The following CAMK1D variants were observed in gnomAD, a reference collection of about 807,000 sequenced individuals.
CAMK1D encodes the protein calcium/calmodulin dependent protein kinase ID, also known as calcium/calmodulin-dependent protein kinase type 1D.
A neutral mutation model predicts 47.7 loss-of-function variants in CAMK1D; 9 were observed. That is an observed-to-expected ratio of 0.19 (90% CI 0.11 to 0.33). The LOEUF (loss-of-function observed/expected upper bound fraction) is 0.33. Among genes scored for constraint, CAMK1D ranks in the 10% least tolerant of loss-of-function variants. The pLI is 1.00. For missense variants in CAMK1D, 291 were observed against 488.7 expected, an observed-to-expected ratio of 0.60 and a Z score of 3.81; for synonymous variants, 184 against 184.9, an observed-to-expected ratio of 0.99 and a Z score of 0.04.
intron 10 of CAMK1D, 96 bp from the exon 11 acceptor site, chr10:12,828,673 C>A (rs1833347264): frequency 1.1e-6 from 1 of 948,960 alleles, no homozygotes; most frequent in Admixed American, 2.3e-5. Flanking sequence ...CCCCCGCCCC[C>A]CACCATAAAC....
At chr10:12,593,154 T>C (rs986753076) in intron 2 of CAMK1D, among the ~76,000 whole-genome samples, 19 of 152,270 alleles carry the variant, frequency 1.2e-4, no homozygotes, top group African/African-American at 4.6e-4. Flanking sequence ...ATGTGTGGGC[T>C]GAGTTCCAGT....
intron 1 of CAMK1D, among the ~76,000 whole-genome samples, chr10:12,417,488 C>G (rs917475670): frequency 6.6e-6 from 1 of 152,208 alleles, no homozygotes; most frequent in African/African-American, 2.4e-5. Context: ...TAGGTGGCAT[C>G]CAGCCAGGGG....
chr10:12,829,040 T>A lies in CAMK1D; in HGVS notation c.*153T>A, dbSNP rs1833364210. ...GAAGTTTTTTTATGGCCATATTTTC[T>A]ACTGCAATTCTGAAGTGTTCATTTC... On this transcript the variant is annotated 3_prime_UTR_variant, in exon 11 of 11. Transcript: ENST00000619168. The A allele has an allele frequency of 1.7e-6, 1 of 583,368 alleles. No individual in the cohort carries two copies. Among genetic ancestry groups the A allele is most frequent in the Admixed American group, 3.2e-5 (1 of 30,886 alleles). 36.1% of individuals were successfully genotyped at this position (583,368 alleles called of 1,614,324 possible). A position where few individuals can be genotyped will look rare whatever the true frequency, so the allele number is the denominator to read the frequency against.
chr10:12,753,846 T>C (rs1836107214), intron 3 of CAMK1D, among the ~76,000 whole-genome samples: 1 of 152,220 alleles, frequency 6.6e-6, no homozygotes, highest in South Asian at 2.1e-4. Context: ...GGCTGCCCAC[T>C]GGGCTTCTCT....
chr10:12,659,367 T>G (rs1429585404), intron 2 of CAMK1D, among the ~76,000 whole-genome samples: 1 of 151,878 alleles, frequency 6.6e-6, no homozygotes, highest in Non-Finnish European at 1.5e-5. Flanking sequence ...CCAGAGGGAG[T>G]TGGGGAGAAC....
chr10:12,431,647 C>T (rs1434261160), intron 1 of CAMK1D, among the ~76,000 whole-genome samples: 1 of 152,190 alleles, frequency 6.6e-6, no homozygotes, highest in Non-Finnish European at 1.5e-5. Context: ...TGCTCTGTTA[C>T]TCCAGGGCCA....
chr10:12,783,288 C>T (rs1423906645), intron 5 of CAMK1D, among the ~76,000 whole-genome samples: 2 of 152,174 alleles, frequency 1.3e-5, no homozygotes, highest in South Asian at 2.1e-4. Context: ...CCACTATACC[C>T]GGCCTGGTGC....
chr10:12,688,693 A>T (rs1266804110), intron 3 of CAMK1D, among the ~76,000 whole-genome samples: 3 of 150,528 alleles, frequency 2.0e-5, no homozygotes, highest in Non-Finnish European at 4.4e-5. Flanking sequence ...TTTATTTTTT[A>T]TTTTTTTTGT....
At chr10:12,780,089 C>T (rs1837427402) in intron 5 of CAMK1D, among the ~76,000 whole-genome samples, 1 of 152,012 alleles carries the variant, frequency 6.6e-6, no homozygotes, top group Admixed American at 6.5e-5. Flanking sequence ...AGATGGAGAA[C>T]AGTTGGTCAA....
chr10:12,538,521 T>C (rs1836053204), intron 1 of CAMK1D, among the ~76,000 whole-genome samples: 1 of 152,206 alleles, frequency 6.6e-6, no homozygotes, highest in African/African-American at 2.4e-5. Context: ...GGGACAGTGT[T>C]AAATCATGCT....
intron 3 of CAMK1D, among the ~76,000 whole-genome samples, chr10:12,736,615 A>G (rs11257964): frequency 0.88 from 133,221 of 152,236 alleles, 60,382 homozygotes; most frequent in Non-Finnish European, 0.99. Context: ...TAAGAAATCT[A>G]GTTCATATGC....
At chr10:12,412,143 C>T (rs1298861466) in intron 1 of CAMK1D, among the ~76,000 whole-genome samples, 2 of 152,172 alleles carry the variant, frequency 1.3e-5, no homozygotes, top group Non-Finnish European at 2.9e-5. Flanking sequence ...GCAAATGGGG[C>T]TTTTCTTTTA....
chr10:12,708,429 C>G (rs1833812691), intron 3 of CAMK1D, among the ~76,000 whole-genome samples: 1 of 152,122 alleles, frequency 6.6e-6, no homozygotes, highest in Non-Finnish European at 1.5e-5. Flanking sequence ...TGTGCACTCC[C>G]CCTTCCCTTC....
At chr10:12,548,641 T>C (rs1836480261) in intron 1 of CAMK1D, among the ~76,000 whole-genome samples, 1 of 151,894 alleles carries the variant, frequency 6.6e-6, no homozygotes, top group African/African-American at 2.4e-5. Flanking sequence ...ATTTTTAAAT[T>C]TTTTCTAGAG....
chr10:12,525,141 G>T (rs565378299), intron 1 of CAMK1D, among the ~76,000 whole-genome samples: 1 of 152,070 alleles, frequency 6.6e-6, no homozygotes, highest in Non-Finnish European at 1.5e-5. Context: ...GATTTTCTCC[G>T]GCTAGTCTCA....
chr10:12,395,197 A>G (rs559945230), intron 1 of CAMK1D, among the ~76,000 whole-genome samples: 4 of 150,206 alleles, frequency 2.7e-5, no homozygotes, highest in South Asian at 2.1e-4. Context: ...TCAGTCTCCC[A>G]GGTAGCTAGG....
intron 2 of CAMK1D, among the ~76,000 whole-genome samples, chr10:12,633,220 A>C (rs2132470405): frequency 1.3e-5 from 2 of 152,306 alleles, no homozygotes; most frequent in Middle Eastern, 6.8e-3. Flanking sequence ...AAGATGGGGA[A>C]ATTGGAGAGG....
chr10:12,362,357 T>A (rs1304270895), intron 1 of CAMK1D, among the ~76,000 whole-genome samples: 1 of 152,212 alleles, frequency 6.6e-6, no homozygotes, highest in African/African-American at 2.4e-5. Flanking sequence ...CAGTCATCCC[T>A]TGGTATCTGC....
chr10:12,746,823 C>G (rs1835704216), intron 3 of CAMK1D, among the ~76,000 whole-genome samples: 1 of 152,168 alleles, frequency 6.6e-6, no homozygotes, highest in Non-Finnish European at 1.5e-5. Flanking sequence ...AGGGGTTTAA[C>G]TAAAAGGCGT....
Sources: gnomAD v4.1 joint callset for allele counts (sites outside exome capture counted in the v4.1 genomes callset) on GRCh38, gnomAD v4.1.1 for gene constraint, MANE v1.5 for transcripts, NCBI Gene and HGNC (gene_info 2026-07-23, HGNC 2026-07-21) for gene names.